The following FAM20B variants were observed in gnomAD, a reference collection of about 807,000 sequenced individuals.
FAM20B encodes glycosaminoglycan xylosylkinase.
In FAM20B, 23 loss-of-function variants were observed where a neutral mutation model predicts 43.8. The observed-to-expected ratio is 0.53, with a 90% confidence interval of 0.38 to 0.74. The LOEUF (loss-of-function observed/expected upper bound fraction) is 0.74. Among genes scored for constraint, FAM20B ranks in the 30% least tolerant of loss-of-function variants. The pLI, the probability that FAM20B is intolerant of heterozygous loss-of-function variation, is 0.00. For missense variants in FAM20B, 440 were observed against 510.5 expected, an observed-to-expected ratio of 0.86 and a Z score of 1.33; for synonymous variants, 178 against 192.4, an observed-to-expected ratio of 0.93 and a Z score of 0.62.
intron 1 of FAM20B, among the ~76,000 whole-genome samples, chr1:179,028,109 A>G (rs1649865211): frequency 6.6e-6 from 1 of 152,298 alleles, no homozygotes; most frequent in South Asian, 2.1e-4. Context: ...TTGTGTGTCT[A>G]TCATTTCATT....
intron 4 of FAM20B, among the ~76,000 whole-genome samples, chr1:179,056,234 A>G (rs12071751): frequency 0.092 from 13,939 of 152,220 alleles, 1,185 homozygotes; most frequent in African/African-American, 0.23. Flanking sequence ...ATACATCATT[A>G]TAGTATCACA....
intron 1 of FAM20B, among the ~76,000 whole-genome samples, chr1:179,032,676 C>G (rs1463153290): frequency 6.6e-6 from 1 of 151,960 alleles, no homozygotes; most frequent in Non-Finnish European, 1.5e-5. Context: ...GGATAATTAG[C>G]ACAGAAAAGA....
At chr1:179,031,439 T>C (rs751810376) in intron 1 of FAM20B, among the ~76,000 whole-genome samples, 2 of 152,250 alleles carry the variant, frequency 1.3e-5, no homozygotes, top group Non-Finnish European at 2.9e-5. Flanking sequence ...AGGGTTGCCC[T>C]AAATCAAGGT....
intron 3 of FAM20B, among the ~76,000 whole-genome samples, chr1:179,051,100 C>T (rs1014613019): frequency 6.2e-5 from 9 of 144,826 alleles, no homozygotes; most frequent in Admixed American, 2.8e-4. Flanking sequence ...CCAGCCTGGG[C>T]GACAGAGCGA....
At chr1:179,024,023 C>A (rs1214179739), upstream of FAM20B, among the ~76,000 whole-genome samples, 3 of 152,074 alleles carry the variant, frequency 2.0e-5, no homozygotes, top group East Asian at 5.8e-4. Context: ...TCAACAAGGG[C>A]CTGGGTAATG....
At chr1:179,026,376 C>T (rs1401723811) in intron 1 of FAM20B, among the ~76,000 whole-genome samples, 1 of 151,906 alleles carries the variant, frequency 6.6e-6, no homozygotes, top group African/African-American at 2.4e-5. Context: ...GACGCGGCCT[C>T]GGCCGCCACG....
At chr1:179,019,463 G>T in the FAM20B span, among the ~76,000 whole-genome samples, 2 of 148,370 alleles carry the variant, frequency 1.3e-5, no homozygotes, top group Non-Finnish European at 1.5e-5. Context: ...TTGTTTGTTT[G>T]TTTCTTTTTT....
chr1:179,070,404 C>T (rs895793192), intron 7 of FAM20B, among the ~76,000 whole-genome samples: 4 of 151,274 alleles, frequency 2.6e-5, no homozygotes, highest in Admixed American at 6.6e-5. Context: ...GAGGCTAGAA[C>T]GTTAAATATC....
At chr1:179,048,520 C>T (rs1650874289) in intron 2 of FAM20B, among the ~76,000 whole-genome samples, 1 of 152,222 alleles carries the variant, frequency 6.6e-6, no homozygotes, top group African/African-American at 2.4e-5. Flanking sequence ...CCATACTGCA[C>T]TTCACCACAT....
chr1:179,047,941 G>A (rs965689901), intron 2 of FAM20B, among the ~76,000 whole-genome samples: 3 of 152,190 alleles, frequency 2.0e-5, no homozygotes, highest in African/African-American at 7.2e-5. Flanking sequence ...TTCTCTGAAA[G>A]CCACTTGTGG....
chr1:179,027,308 G>T (rs994058621), intron 1 of FAM20B, among the ~76,000 whole-genome samples: 1 of 152,170 alleles, frequency 6.6e-6, no homozygotes, highest in Non-Finnish European at 1.5e-5. Flanking sequence ...AGATCTCAGT[G>T]TTCTTATGTA....
At chr1:179,055,474 C>G (rs147344645) in intron 4 of FAM20B, among the ~76,000 whole-genome samples, 1 of 152,156 alleles carries the variant, frequency 6.6e-6, no homozygotes, top group South Asian at 2.1e-4. Flanking sequence ...ATGACAGATT[C>G]ATCATTCAGA....
At chr1:179,049,060 G>C (rs1038379789) in intron 2 of FAM20B, among the ~76,000 whole-genome samples, 4 of 152,156 alleles carry the variant, frequency 2.6e-5, no homozygotes, top group Non-Finnish European at 5.9e-5. Flanking sequence ...AAATGCAGGA[G>C]ACCAATAGAG....
At chr1:179,035,134 G>C (rs1321593839) in intron 1 of FAM20B, among the ~76,000 whole-genome samples, 2 of 152,178 alleles carry the variant, frequency 1.3e-5, no homozygotes, top group Admixed American at 1.3e-4. Flanking sequence ...GTGTTCTCAT[G>C]TTCCTTGGCA....
intron 7 of FAM20B, among the ~76,000 whole-genome samples, chr1:179,067,107 G>A (rs1374799303): frequency 6.6e-6 from 1 of 151,026 alleles, no homozygotes; most frequent in African/African-American, 2.4e-5. Flanking sequence ...AGTAATACAT[G>A]TTTGGTTTAA....
chr1:179,040,365 AC>A (rs1312699494), intron 1 of FAM20B, among the ~76,000 whole-genome samples: 6 of 141,060 alleles, frequency 4.3e-5, no homozygotes, highest in Non-Finnish European at 9.4e-5. Context: ...CGGGGGGCCA[AC>A]CCCCCCACTT....
At position 179,071,917 on chromosome 1, in the gene FAM20B, C is replaced by G. The variant is rs756589376; in HGVS notation, c.1003C>G (p.Arg335Gly). The G allele has an allele frequency of 6.2e-7, 1 of 1,610,476 alleles. No homozygotes were observed. Among genetic ancestry groups the G allele is most frequent in the South Asian group, 1.1e-5 (1 of 90,900 alleles). The change falls in exon 8 of 8, where the codon CGG becomes GGG. Residue 335 changes from arginine to glycine, a missense_variant. By Grantham distance (125) the Arg-to-Gly change is moderately radical. Transcript: ENST00000263733. ...TTCTATAACTTTTTCTCCCAGCATT[C>G]GGGTGTCCACCTGGAACAGACTGAA... is the stretch of plus-strand genomic sequence containing the variant. ...LAPLYQCCII[R>G]VSTWNRLNYL...
chr1:179,066,704 TCACATTTGAGTTTCATATAG>T, intron 6 of FAM20B, 76 bp from the exon 7 acceptor site: 1 of 823,652 alleles, frequency 1.2e-6, no homozygotes, highest in Non-Finnish European at 2.1e-6. Context: ...TTATCTAGGA[TCACATTTGAGTTTCATATAG>T]AATTTGCTAT....
intron 4 of FAM20B, among the ~76,000 whole-genome samples, chr1:179,056,118 G>A (rs1298514761): frequency 6.6e-6 from 1 of 152,094 alleles, no homozygotes; most frequent in African/African-American, 2.4e-5. Flanking sequence ...TACAATTGAT[G>A]AGTCCACACT....
Sources: allele counts gnomAD v4.1 joint callset (sites outside exome capture counted in the v4.1 genomes callset), GRCh38; gene constraint gnomAD v4.1.1; transcripts MANE v1.5; gene names NCBI Gene and HGNC (gene_info 2026-07-23, HGNC 2026-07-21).